EML6: variants seen among roughly 807,000 people sequenced by gnomAD.
The protein encoded by EML6 is echinoderm microtubule-associated protein-like 6.
EML6 carries 154 observed loss-of-function variants against 240.1 expected under a neutral mutation model. The ratio of observed to expected loss-of-function variants is 0.64; its 90% confidence interval spans 0.56 to 0.73. EML6 has a LOEUF of 0.73. Ranked by LOEUF, EML6 falls within the 30% of genes least tolerant of loss-of-function variation. EML6 has a pLI of 0.00. For missense variants in EML6, 2,964 were observed against 2,474.6 expected, an observed-to-expected ratio of 1.20 and a Z score of -4.20; for synonymous variants, 1,148 against 899.0, an observed-to-expected ratio of 1.28 and a Z score of -4.95.
intron 22 of EML6, among the ~76,000 whole-genome samples, chr2:54,900,139 T>G (rs1315753073): frequency 6.6e-6 from 1 of 152,250 alleles, no homozygotes. Flanking sequence ...ACTTATTTTA[T>G]GACTTGAAAA....
At chr2:54,863,153 A>G (rs1465188417) in intron 12 of EML6, among the ~76,000 whole-genome samples, 4 of 152,216 alleles carry the variant, frequency 2.6e-5, no homozygotes, top group South Asian at 2.1e-4. Context: ...GGCCATGACA[A>G]TTACCAACAC....
chr2:54,799,622 C>T (rs751695039), intron 2 of EML6, among the ~76,000 whole-genome samples: 6 of 152,182 alleles, frequency 3.9e-5, no homozygotes, highest in Non-Finnish European at 5.9e-5. Context: ...GGATTAAGGG[C>T]GTGAACCATC....
chr2:54,949,514 A>G (rs1675865692), intron 29 of EML6, among the ~76,000 whole-genome samples: 1 of 152,192 alleles, frequency 6.6e-6, no homozygotes. Context: ...GTAAGTGGAA[A>G]GGGATTTGAA....
At position 54,829,446 on chromosome 2, in the gene EML6, T is replaced by G. The variant is rs778702813; in HGVS notation, c.816T>G (p.Ile272Met). 1.8e-4 allele frequency: 282 copies of G among 1,551,810 alleles called. No individual in the cohort carries two copies. The Middle Eastern group carries it at 3.0e-3, about 16-fold the overall frequency. The change falls in exon 7 of 42, where the codon ATT becomes ATG. Residue 272 changes from isoleucine (I) to methionine (M), a missense_variant. By Grantham distance (10) the Ile-to-Met change is conservative. Coordinates refer to ENST00000356458, the MANE Select transcript of EML6 (RefSeq NM_001039753.4). ...CTGATTTCAAACCAATAACCAAAAT[T>G]GATCTCAGGGAGACAGAACAAGGAT... ...WDTDFKPITK[I>M]DLRETEQGYK...
chr2:54,884,827 C>A (rs1672034355), intron 17 of EML6, among the ~76,000 whole-genome samples: 1 of 152,136 alleles, frequency 6.6e-6, no homozygotes, highest in Non-Finnish European at 1.5e-5. Flanking sequence ...TTTCTCTAGT[C>A]TCTCTAAAGT....
chr2:54,963,642 G>A (rs1676623458), intron 36 of EML6, among the ~76,000 whole-genome samples: 1 of 152,192 alleles, frequency 6.6e-6, no homozygotes, highest in South Asian at 2.1e-4. Context: ...AAGTCCAGCT[G>A]CCCTCATTTA....
chr2:54,835,433 A>G (rs1215861972), intron 7 of EML6, among the ~76,000 whole-genome samples: 1 of 152,178 alleles, frequency 6.6e-6, no homozygotes, highest in Non-Finnish European at 1.5e-5. Flanking sequence ...GAGGATGCAG[A>G]AGGAGGAACA....
At chr2:54,842,292 A>G (rs1669502107) in intron 7 of EML6, among the ~76,000 whole-genome samples, 1 of 152,142 alleles carries the variant, frequency 6.6e-6, no homozygotes, top group Non-Finnish European at 1.5e-5. Context: ...AGTTTTTAGA[A>G]TGTTATAATT....
chr2:54,733,827 A>G (rs370466891), intron 2 of EML6, among the ~76,000 whole-genome samples: 13 of 152,066 alleles, frequency 8.5e-5, no homozygotes, highest in African/African-American at 2.2e-4. Flanking sequence ...GGGTGGGACA[A>G]TGTTTCAAAG....
intron 15 of EML6, 90 bp downstream of exon 15, chr2:54,869,457 G>GT: frequency 9.9e-7 from 1 of 1,010,552 alleles, no homozygotes; most frequent in Non-Finnish European, 1.4e-6. Context: ...GAAATGCTTG[G>GT]TAGAAATAAA....
intron 25 of EML6, among the ~76,000 whole-genome samples, chr2:54,913,166 G>C (rs1200274878): frequency 6.6e-6 from 1 of 150,458 alleles, no homozygotes; most frequent in African/African-American, 2.4e-5. Context: ...CCAATGATTG[G>C]TGATAAACAT....
chr2:54,920,112 G>C (rs1674143585), intron 26 of EML6, among the ~76,000 whole-genome samples: 1 of 151,996 alleles, frequency 6.6e-6, no homozygotes, highest in Non-Finnish European at 1.5e-5. Flanking sequence ...TTACACTTCA[G>C]AAAACTAGGA....
At chr2:54,878,898 T>G (rs1203206891) in intron 16 of EML6, among the ~76,000 whole-genome samples, 1 of 152,242 alleles carries the variant, frequency 6.6e-6, no homozygotes, top group African/African-American at 2.4e-5. Context: ...ATATATCAAA[T>G]GTTAGCCTAG....
At chr2:54,764,064 A>G (rs1479740339) in intron 2 of EML6, among the ~76,000 whole-genome samples, 1 of 152,138 alleles carries the variant, frequency 6.6e-6, no homozygotes, top group South Asian at 2.1e-4. Flanking sequence ...TCTAGTCAGC[A>G]TTTTATTTTG....
At chr2:54,877,099 C>T (rs949497772) in intron 16 of EML6, among the ~76,000 whole-genome samples, 1 of 151,980 alleles carries the variant, frequency 6.6e-6, no homozygotes, top group African/African-American at 2.4e-5. Flanking sequence ...CCTCCCAACT[C>T]AGCCTCCCAA....
chr2:54,853,735 C>T lies in EML6; in HGVS notation c.1537C>T (p.Pro513Ser). The T allele has an allele frequency of 6.4e-7, 1 of 1,551,496 alleles. No homozygotes were observed. Among genetic ancestry groups the T allele is most frequent in the Non-Finnish European group, 8.7e-7 (1 of 1,146,864 alleles). ...AGGCCCTGAAGTGAGTGGAATTTGG[C>T]CCAAATACACTGAGGTTACTGACAT... Reference protein sequence around the residue: ...VKGPEVSGIWPKYTEVTDINS... With the variant: ...VKGPEVSGIWSKYTEVTDINS... Residue 513 changes from proline (P) to serine (S), a missense_variant, in exon 11 of 42, where the codon CCC becomes TCC. Transcript: ENST00000356458.
chr2:54,849,263 A>G (rs1048830132), intron 9 of EML6, among the ~76,000 whole-genome samples: 3 of 152,152 alleles, frequency 2.0e-5, no homozygotes, highest in Non-Finnish European at 2.9e-5. Context: ...TTTTTTCTTT[A>G]TGCTAGAGAC....
chr2:54,827,517 A>G lies in EML6; in HGVS notation c.526-49A>G, dbSNP rs1290597752. The G allele has an allele frequency of 2.8e-6, 4 of 1,432,734 alleles. No individual in the cohort carries two copies. The Admixed American group carries it at 5.9e-5, about 21-fold the overall frequency. The allele number at this position is 1,432,734 out of a possible 1,614,324, so 88.8% of individuals were successfully genotyped here. A position where few individuals can be genotyped will look rare whatever the true frequency, so the allele number is the denominator to read the frequency against. On this transcript the variant is annotated intron_variant, in intron 5 of 41. Transcript: ENST00000356458. ...AAGTATAAATAAACACCAATGCAAT[A>G]CATCCGAATACTCTATCTTGGAGAT...
intron 2 of EML6, among the ~76,000 whole-genome samples, chr2:54,731,817 A>G (rs1420791764): frequency 1.3e-5 from 2 of 152,182 alleles, no homozygotes; most frequent in African/African-American, 4.8e-5. Context: ...TAATTAGGCA[A>G]CACTATCCTG....
Sources: gnomAD v4.1 joint callset for allele counts (sites outside exome capture counted in the v4.1 genomes callset) on GRCh38, gnomAD v4.1.1 for gene constraint, MANE v1.5 for transcripts, NCBI Gene and HGNC (gene_info 2026-07-23, HGNC 2026-07-21) for gene names.